Variants in ADGRV1 observed in about 807,000 individuals in gnomAD.
ADGRV1 encodes adhesion G protein-coupled receptor V1, also known as G-protein coupled receptor 98.
A neutral mutation model predicts 596.2 loss-of-function variants in ADGRV1; 359 were observed. The ratio of observed to expected loss-of-function variants is 0.60; its 90% CI spans 0.55 to 0.66. The LOEUF (loss-of-function observed/expected upper bound fraction) is 0.66, where lower values mean the gene tolerates loss of function less well. ADGRV1 is among the 30% of genes least tolerant of loss of function. ADGRV1 has a pLI of 0.00. For missense variants in ADGRV1, 7,274 were observed against 7,575.6 expected (o/e 0.96, Z 1.48); for synonymous variants, 2,681 against 2,679.2 (o/e 1.00, Z -0.02).
At chr5:90,876,731 A>ATTT (rs1386154987) in intron 83 of ADGRV1, among the ~76,000 whole-genome samples, 2 of 152,336 alleles carry the variant, frequency 1.3e-5, no homozygotes, top group East Asian at 3.9e-4. Context: ...TTGAGTCTTA[A>ATTT]AGTAGCAGAA....
At chr5:90,814,990 AT>A (rs35375183) in intron 74 of ADGRV1, among the ~76,000 whole-genome samples, 3 of 148,590 alleles carry the variant, frequency 2.0e-5, no homozygotes, top group East Asian at 2.0e-4. Context: ...CAGTTTAAAC[AT>A]TTTTTTTTTT....
rs112105918 is a variant in ADGRV1, at chr5:90,565,586, T to C, written c.22+6669T>C. Among the ~76,000 whole-genome samples the C allele has an allele frequency of 6.0e-4, 92 of 152,362 alleles. 1 individual carries two copies. The highest frequency in any genetic ancestry group is 2.1e-3 in the African/African-American group (88 of 41,580). On this transcript the variant is annotated intron_variant, in intron 1 of 89. Coordinates refer to ENST00000405460, the MANE Select transcript of ADGRV1 (RefSeq NM_032119.4). Reference sequence around the variant, plus strand: ...CACCTTTCATTTATGCATTTATAAATAGATGGGTGTTTGCATTGGTTTTAC... The same window carrying C: ...CACCTTTCATTTATGCATTTATAAACAGATGGGTGTTTGCATTGGTTTTAC...
At chr5:90,981,360 A>T (rs1054889254) in intron 84 of ADGRV1, among the ~76,000 whole-genome samples, 1 of 152,182 alleles carries the variant, frequency 6.6e-6, no homozygotes, top group African/African-American at 2.4e-5. Flanking sequence ...CTTTGAATAG[A>T]ATGGGAGGCA....
chr5:91,125,927 T>A (rs1476755759), intron 87 of ADGRV1, among the ~76,000 whole-genome samples: 1 of 152,252 alleles, frequency 6.6e-6, no homozygotes, highest in Non-Finnish European at 1.5e-5. Flanking sequence ...TCTGTTTTCC[T>A]TTTTAAATGT....
intron 85 of ADGRV1, among the ~76,000 whole-genome samples, chr5:91,025,181 G>C (rs2151201833): frequency 6.6e-6 from 1 of 152,140 alleles, no homozygotes; most frequent in East Asian, 1.9e-4. Flanking sequence ...GTGCTTTTCT[G>C]TTCTGTTTTC....
chr5:90,784,512 G>A (rs913236721), intron 67 of ADGRV1, among the ~76,000 whole-genome samples: 2 of 152,172 alleles, frequency 1.3e-5, no homozygotes, highest in African/African-American at 4.8e-5. Flanking sequence ...TGCGAGTGCT[G>A]TTGGTGAGGA....
chr5:90,823,720 C>T, intron 76 of ADGRV1, 124 bp downstream of exon 76: 2 of 808,384 alleles, frequency 2.5e-6, no homozygotes, highest in Non-Finnish European at 3.8e-6. Context: ...TTTTCTTAGC[C>T]ATAATGTCTA....
chr5:90,635,418 A>T, intron 10 of ADGRV1, 128 bp downstream of exon 10: 1 of 757,558 alleles, frequency 1.3e-6, no homozygotes, highest in Non-Finnish European at 2.1e-6. Flanking sequence ...AGAAGCCTTC[A>T]GTATGTCATT....
chr5:90,566,870 G>A (rs2151947511), intron 1 of ADGRV1, among the ~76,000 whole-genome samples: 1 of 152,176 alleles, frequency 6.6e-6, no homozygotes, highest in Non-Finnish European at 1.5e-5. Flanking sequence ...AATAATGAGA[G>A]CTGAGATCCT....
chr5:90,751,300 A>G (rs1755223155), intron 53 of ADGRV1, among the ~76,000 whole-genome samples: 1 of 152,162 alleles, frequency 6.6e-6, no homozygotes, highest in African/African-American at 2.4e-5. Context: ...AGTTGTTCCC[A>G]GTTTAGAGCT....
At chr5:91,079,825 T>C (rs942994885) in intron 86 of ADGRV1, among the ~76,000 whole-genome samples, 1 of 152,178 alleles carries the variant, frequency 6.6e-6, no homozygotes, top group Non-Finnish European at 1.5e-5. Context: ...TTATGTTTAA[T>C]TGACATCTTT....
chr5:90,614,336 C>G, intron 1 of ADGRV1: 1 of 286,538 alleles, frequency 3.5e-6, no homozygotes, highest in Non-Finnish European at 6.9e-6. Flanking sequence ...TTTGCAATAA[C>G]TAAGAATTTA....
chr5:91,076,525 A>G (rs1231756732), intron 86 of ADGRV1, among the ~76,000 whole-genome samples: 4 of 152,178 alleles, frequency 2.6e-5, no homozygotes, highest in Non-Finnish European at 4.4e-5. Context: ...ATAATCATCA[A>G]TGTACCACAA....
At chr5:90,973,250 C>T (rs150661872) in intron 84 of ADGRV1, among the ~76,000 whole-genome samples, 2,795 of 152,274 alleles carry the variant, frequency 0.018, 76 homozygotes, top group African/African-American at 0.062. Context: ...CAGATGGATT[C>T]ACAGTCGAAT....
rs1458123698 is a variant in ADGRV1, at chr5:90,810,309, T to A, written c.15049T>A (p.Ser5017Thr). 3.7e-6 allele frequency: 6 copies of A among 1,609,374 alleles called. No homozygotes were observed. The highest frequency in any genetic ancestry group is 5.1e-6 in the Non-Finnish European group (6 of 1,177,548). The stretch of plus-strand genomic sequence containing the variant: ...CACTAGCTCAAGAAATATCATAGTG[T>A]CAGAAGATACACAGATGATCAGATT... ...FSTSSRNIIV[S>T]EDTQMIRLHV... Residue 5017 changes from serine (S) to threonine (T), a missense_variant, in exon 74 of 90, where the codon TCA becomes ACA. By Grantham distance (58) the Ser-to-Thr change is moderately conservative. This residue lies in a region of ADGRV1 where 1,874 missense variants were observed against 1,970.2 expected (regional missense o/e 0.95). Transcript: ENST00000405460.
intron 52 of ADGRV1, among the ~76,000 whole-genome samples, chr5:90,746,953 G>A (rs1754694236): frequency 6.6e-6 from 1 of 152,182 alleles, no homozygotes; most frequent in African/African-American, 2.4e-5. Context: ...GAGAGGGCAA[G>A]GGGAGAAAGG....
At chr5:90,928,950 CA>C (rs1774878239) in intron 83 of ADGRV1, among the ~76,000 whole-genome samples, 4 of 147,150 alleles carry the variant, frequency 2.7e-5, no homozygotes, top group South Asian at 4.5e-4. Flanking sequence ...GCTCGGGGGT[CA>C]GGGGTCAGGG....
At chr5:91,071,798 C>T (rs1788414275) in intron 85 of ADGRV1, among the ~76,000 whole-genome samples, 1 of 152,026 alleles carries the variant, frequency 6.6e-6, no homozygotes, top group Admixed American at 6.6e-5. Context: ...CCTCAGCCTC[C>T]CAAGTAGCTG....
chr5:90,653,280 G>T lies in ADGRV1; in HGVS notation c.3706G>T (p.Asp1236Tyr), dbSNP rs111424413. The T allele has an allele frequency of 2.5e-6, 4 of 1,613,908 alleles. No individual in the cohort carries two copies. The Admixed American group carries it at 5.0e-5, about 20-fold the overall frequency. The change falls in exon 20 of 90, where the codon GAT becomes TAT. Residue 1236 changes from aspartate (D) to tyrosine (Y), a missense_variant. Asp to Tyr is a radical substitution (Grantham distance 160). Transcript: ENST00000405460. ...LQVTVMVPFNDDPFGVFILDP... is the reference protein window; with the variant it reads ...LQVTVMVPFNYDPFGVFILDP... ...GGTGACAGTAATGGTTCCATTCAAT[G>T]ATGATCCCTTTGGAGTTTTTATCTT...
Sources: allele counts gnomAD v4.1 joint callset (sites outside exome capture counted in the v4.1 genomes callset), GRCh38; gene constraint gnomAD v4.1.1; regional missense constraint gnomAD v4.1.1; transcripts MANE v1.5; gene names NCBI Gene and HGNC (gene_info 2026-07-23, HGNC 2026-07-21).